ACSM2A: variants seen among roughly 807,000 people sequenced by gnomAD.
The protein encoded by ACSM2A is acyl-CoA synthetase medium chain family member 2A.
A neutral mutation model predicts 76.6 loss-of-function variants in ACSM2A; 72 were observed. The observed-to-expected ratio is 0.94, with a 90% CI of 0.78 to 1.14. The LOEUF (loss-of-function observed/expected upper bound fraction) is 1.14, where lower values mean the gene tolerates loss of function less well. ACSM2A is among the 50% of genes most tolerant of loss of function. The pLI is 0.00. For missense variants in ACSM2A, 684 were observed against 708.5 expected, an observed-to-expected ratio of 0.97 and a Z score of 0.39; for synonymous variants, 249 against 255.9, an observed-to-expected ratio of 0.97 and a Z score of 0.26.
intron 8 of ACSM2A, chr16:20,476,042 T>C: frequency 1.9e-6 from 2 of 1,061,546 alleles, no homozygotes; most frequent in Non-Finnish European, 2.4e-6. Context: ...TGGTGAGAAA[T>C]GCGATGGAAA....
Position 20,479,646 on chromosome 16 carries a change from T to A in ACSM2A, c.1282-927T>A, listed in dbSNP as rs568977078. 3.2e-3 allele frequency among the ~76,000 whole-genome samples: 486 copies of A among 152,334 alleles called. 3 individuals carry two copies. Among genetic ancestry groups the A allele is most frequent in the African/African-American group, 0.011 (454 of 41,570 alleles). On this transcript the variant is annotated intron_variant, in intron 10 of 13. Transcript: ENST00000573854. The stretch of plus-strand genomic sequence containing the variant: ...CTCAGTGATCAGGGCAGAGCCACAC[T>A]GTCCCCTTCTCCAAGCATTTCCTTT...
chr16:20,457,712 G>T (rs567279376), intron 1 of ACSM2A, among the ~76,000 whole-genome samples: 26 of 152,118 alleles, frequency 1.7e-4, no homozygotes, highest in Admixed American at 1.7e-3. Flanking sequence ...CAACATAATA[G>T]TGAATGGGGA....
intron 13 of ACSM2A, among the ~76,000 whole-genome samples, chr16:20,484,921 G>A (rs543054405): frequency 5.3e-5 from 8 of 152,238 alleles, no homozygotes; most frequent in African/African-American, 1.4e-4. Context: ...GCATATCAGA[G>A]TCCACCACAT....
chr16:20,471,839 C>T (rs550085844), intron 6 of ACSM2A, 150 bp downstream of exon 6: 6 of 1,380,638 alleles, frequency 4.3e-6, no homozygotes, highest in East Asian at 2.3e-5. Context: ...GGAAATGGTC[C>T]CTGACCTCAC....
intron 12 of ACSM2A, chr16:20,482,378 G>A (rs2014137212): frequency 6.6e-6 from 1 of 152,104 alleles, no homozygotes; most frequent in South Asian, 2.1e-4. Context: ...AAGGGAAAAA[G>A]AAAGACCCCT....
chr16:20,481,512 A>T (rs1187929898), intron 12 of ACSM2A: 1 of 152,802 alleles, frequency 6.5e-6, no homozygotes. Context: ...GTAAGTGCTA[A>T]AATAGCTGAT....
intron 1 of ACSM2A, among the ~76,000 whole-genome samples, chr16:20,455,363 A>G (rs1315049455): frequency 6.6e-6 from 1 of 151,544 alleles, no homozygotes; most frequent in Non-Finnish European, 1.5e-5. Context: ...TCTAAAGCCA[A>G]GATGAAGGAA....
intron 1 of ACSM2A, among the ~76,000 whole-genome samples, chr16:20,458,946 A>ATC (rs2012432719): frequency 7.0e-6 from 1 of 142,366 alleles, no homozygotes; most frequent in African/African-American, 2.6e-5. Flanking sequence ...ATATATATAT[A>ATC]ATGAAATACT....
intron 3 of ACSM2A, 76 bp downstream of exon 3, chr16:20,465,803 C>G (rs575553518): frequency 4.9e-5 from 76 of 1,538,588 alleles, no homozygotes; most frequent in Non-Finnish European, 6.2e-5. Context: ...GCAGCCACCT[C>G]TCTCAAAAGA....
At chr16:20,481,342 G>T in intron 12 of ACSM2A, 1 of 191,552 alleles carries the variant, frequency 5.2e-6, no homozygotes, top group Non-Finnish European at 1.1e-5. Context: ...TGGATGAAAG[G>T]ATAAATAATA....
At chr16:20,469,438 G>T in intron 3 of ACSM2A, 74 bp from the exon 4 acceptor site, 3 of 1,596,356 alleles carry the variant, frequency 1.9e-6, no homozygotes, top group Non-Finnish European at 2.6e-6. Context: ...CTCGCTGCTT[G>T]ATGTTTATCT....
At chr16:20,469,815 A>T in intron 4 of ACSM2A, 96 bp downstream of exon 4, 1 of 1,554,894 alleles carries the variant, frequency 6.4e-7, no homozygotes, top group Non-Finnish European at 8.8e-7. Context: ...GTGCAGAAAG[A>T]ACAGCATGGG....
intron 13 of ACSM2A, among the ~76,000 whole-genome samples, chr16:20,483,700 T>C (rs989951128): frequency 6.7e-5 from 10 of 148,880 alleles, no homozygotes; most frequent in African/African-American, 2.4e-4. Flanking sequence ...AGCCAAATGC[T>C]ATCAAGGGAA....
intron 3 of ACSM2A, among the ~76,000 whole-genome samples, chr16:20,467,769 T>C (rs991195705): frequency 2.0e-5 from 3 of 152,176 alleles, no homozygotes; most frequent in African/African-American, 7.2e-5. Context: ...CAAGAAGTGA[T>C]AACAAGTTGG....
chr16:20,470,949 C>T (rs1567366568), intron 4 of ACSM2A, 124 bp from the exon 5 acceptor site: 3 of 1,269,704 alleles, frequency 2.4e-6, no homozygotes, highest in Non-Finnish European at 3.4e-6. Context: ...TCAGCAGCCT[C>T]TCTTGTGAGG....
intron 1 of ACSM2A, among the ~76,000 whole-genome samples, chr16:20,458,907 T>TATATATATATATATATATGC (rs2012404842): frequency 2.7e-5 from 1 of 36,544 alleles, no homozygotes; most frequent in Non-Finnish European, 5.0e-5. Context: ...TATATATGCA[T>TATATATATATATATATATGC]ATATATATAT....
intron 6 of ACSM2A, among the ~76,000 whole-genome samples, chr16:20,475,015 G>A (rs193193588): frequency 6.6e-6 from 1 of 152,288 alleles, no homozygotes; most frequent in Admixed American, 6.5e-5. Flanking sequence ...CTGTGCTCAG[G>A]CAGCTGATCT....
At chr16:20,468,102 A>T (rs888656672) in intron 3 of ACSM2A, among the ~76,000 whole-genome samples, 7 of 152,124 alleles carry the variant, frequency 4.6e-5, no homozygotes, top group Non-Finnish European at 5.9e-5. Context: ...AAGAGAGAAC[A>T]AGCCAGAGAG....
chr16:20,478,672 T>C lies in ACSM2A; in HGVS notation c.1276T>C (p.Tyr426His), dbSNP rs918093572. ...CAGGCCTATAGGCATCTTCTCTGGC[T>C]ATGTGGTGAGAAACTGTGCTCCTCC... Reference protein sequence around the residue: ...PIRPIGIFSGYVDNPDKTAAN... With the variant: ...PIRPIGIFSGHVDNPDKTAAN... Residue 426 changes from tyrosine to histidine, a missense_variant, in exon 10 of 14, where the codon TAT becomes CAT. Tyr to His is a moderately conservative substitution (Grantham distance 83). Around this residue, in one of 3 missense-constraint regions of ACSM2A, gnomAD observed 519 missense variants for 549.5 expected, o/e 0.94. Coordinates refer to ENST00000573854, the MANE Select transcript of ACSM2A (RefSeq NM_001308172.2). 1.9e-6 allele frequency: 3 copies of C among 1,611,738 alleles called. No homozygotes were observed. In the African/African-American group the frequency reaches 4.0e-5, roughly 22 times the overall value.
Sources: allele counts gnomAD v4.1 joint callset (sites outside exome capture counted in the v4.1 genomes callset), GRCh38; gene constraint gnomAD v4.1.1; regional missense constraint gnomAD v4.1.1; transcripts MANE v1.5; gene names NCBI Gene and HGNC (gene_info 2026-07-23, HGNC 2026-07-21).